Variants in ATM observed in about 807,000 individuals in gnomAD.
ATM encodes the protein serine-protein kinase ATM.
Under a neutral mutation model 387.0 loss-of-function variants are expected in ATM, and 308 were observed. The observed-to-expected ratio is 0.80, with a 90% CI of 0.73 to 0.87. The LOEUF (loss-of-function observed/expected upper bound fraction) is 0.87. Ranked by LOEUF, ATM falls within the 40% of genes least tolerant of loss-of-function variation. The pLI is 0.00. For synonymous variants in ATM, 1,156 were observed against 1,187.3 expected (o/e 0.97, Z 0.54); for missense variants, 3,312 against 3,560.9 (o/e 0.93, Z 1.78).
At chr11:108,312,854 A>C (rs1001747363) in intron 40 of ATM, among the ~76,000 whole-genome samples, 50 of 152,184 alleles carry the variant, frequency 3.3e-4, no homozygotes, top group African/African-American at 1.1e-3. Flanking sequence ...GTTACAGAAG[A>C]AGCAGATTGC....
intron 50 of ATM, 130 bp from the exon 51 acceptor site, chr11:108,331,314 A>C (rs1035068196): frequency 5.5e-6 from 8 of 1,451,798 alleles, no homozygotes; most frequent in Middle Eastern, 2.6e-4. Context: ...GGAAAACAAT[A>C]TAGTTAGTGA....
Position 108,247,229 on chromosome 11 carries a change from A to G in ATM, c.1065+102A>G, listed in dbSNP as rs370758388. Reference sequence around the variant, plus strand: ...AAACCTGTGTTCTCACAAAAAGCCTATAAAATGACTCTGTACATGCAACTA... The same window carrying G: ...AAACCTGTGTTCTCACAAAAAGCCTGTAAAATGACTCTGTACATGCAACTA... On this transcript the variant is annotated intron_variant, in intron 8 of 62. Coordinates refer to ENST00000675843, the MANE Select transcript of ATM (RefSeq NM_000051.4). 5 of 1,110,628 alleles carry G rather than the reference A, an allele frequency of 4.5e-6. No homozygotes were observed. In the East Asian group the frequency reaches 7.3e-5, roughly 16 times the overall value. 68.8% of individuals were successfully genotyped at this position (1,110,628 alleles called of 1,614,324 possible).
chr11:108,289,199 G>A (rs2135755840), intron 28 of ATM, 96 bp downstream of exon 28: 1 of 1,260,244 alleles, frequency 7.9e-7, no homozygotes, highest in East Asian at 2.6e-5. Flanking sequence ...GTAAACAAAT[G>A]AAAAATTTAT....
chr11:108,315,008 AC>A (rs1310575286), intron 40 of ATM, among the ~76,000 whole-genome samples: 1 of 152,212 alleles, frequency 6.6e-6, no homozygotes, highest in Non-Finnish European at 1.5e-5. Flanking sequence ...TAATGGCATG[AC>A]TTTTCTCTGC....
intron 50 of ATM, among the ~76,000 whole-genome samples, chr11:108,330,968 A>T (rs1419553271): frequency 9.2e-5 from 14 of 152,234 alleles, no homozygotes; most frequent in Admixed American, 8.5e-4. Context: ...ATATATTGTT[A>T]GTCAATTTGA....
At chr11:108,297,133 C>G (rs1250000665) in intron 32 of ATM, 154 bp from the exon 33 acceptor site, 10 of 618,402 alleles carry the variant, frequency 1.6e-5, no homozygotes, top group Admixed American at 1.1e-4. Flanking sequence ...AGTTCAGATT[C>G]ATTCCCTACA....
chr11:108,317,710 G>C (rs2084868475), intron 43 of ATM, among the ~76,000 whole-genome samples, 189 bp downstream of exon 43: 1 of 145,118 alleles, frequency 6.9e-6, no homozygotes, highest in South Asian at 2.2e-4. Context: ...TAGTGTGTAT[G>C]TGTGTATATA....
At chr11:108,275,768 C>T (rs1033138901) in intron 22 of ATM, among the ~76,000 whole-genome samples, 8 of 152,128 alleles carry the variant, frequency 5.3e-5, no homozygotes, top group Admixed American at 2.6e-4. Flanking sequence ...GTGGGTAACC[C>T]GACCTTTCTC....
At chr11:108,334,013 T>C (rs1376205874) in intron 54 of ATM, 45 bp downstream of exon 54, 11 of 1,452,466 alleles carry the variant, frequency 7.6e-6, no homozygotes, top group Non-Finnish European at 1.1e-5. Context: ...TAAATTTTTT[T>C]TATTAGATTG....
chr11:108,244,213 A>G (rs1201845117), intron 6 of ATM, 95 bp downstream of exon 6: 1 of 1,394,140 alleles, frequency 7.2e-7, no homozygotes, highest in Non-Finnish European at 1.0e-6. Context: ...TCTACCTTAA[A>G]ATAAAACATT....
intron 16 of ATM, among the ~76,000 whole-genome samples, chr11:108,261,015 C>A (rs561653317): frequency 6.6e-6 from 1 of 151,022 alleles, no homozygotes; most frequent in East Asian, 1.9e-4. Flanking sequence ...TGATTGCTAG[C>A]ACAGCAGTCT....
intron 43 of ATM, among the ~76,000 whole-genome samples, chr11:108,319,466 T>G (rs1443873925): frequency 6.6e-6 from 1 of 152,216 alleles, no homozygotes; most frequent in African/African-American, 2.4e-5. Flanking sequence ...GGACCCTAGT[T>G]AAATAATAAT....
chr11:108,284,469 A>G lies in ATM; in HGVS notation c.3989A>G (p.Lys1330Arg), dbSNP rs1565447970. Residue 1330 changes from lysine (K) to arginine (R), a missense_variant, in exon 26 of 63, where the codon AAA (lysine) becomes AGA (arginine). Physicochemically the swap from Lys to Arg is conservative, Grantham distance 26. Around this residue, in one of 4 missense-constraint regions of ATM, gnomAD observed 1,791 missense variants for 1,804.5 expected, o/e 0.99. Coordinates refer to ENST00000675843, the MANE Select transcript of ATM (RefSeq NM_000051.4). ...DMLKSENLLG[K>R]QIDHLFISNL... ...CTTAAAAGTGAAAACTTATTGGGAA[A>G]ACAGGTATGGCTTCAATTTTTATGT... 3 of 1,613,938 alleles carry G rather than the reference A, an allele frequency of 1.9e-6. No homozygotes were observed. The highest frequency in any genetic ancestry group is 2.5e-6 in the Non-Finnish European group (3 of 1,179,864).
chr11:108,306,379 T>A (rs2083692101), intron 37 of ATM, among the ~76,000 whole-genome samples: 1 of 152,184 alleles, frequency 6.6e-6, no homozygotes, highest in African/African-American at 2.4e-5. Flanking sequence ...GTATCTCTTA[T>A]CTTTAATTGG....
intron 26 of ATM, among the ~76,000 whole-genome samples, 162 bp downstream of exon 26, chr11:108,284,635 G>A (rs1269034364): frequency 2.0e-5 from 3 of 152,058 alleles, no homozygotes; most frequent in Non-Finnish European, 4.4e-5. Context: ...TTTTGGTTAT[G>A]TCGTGTTGTC....
rs527558552 is a variant in ATM, at chr11:108,256,843, G to T, written c.2250+503G>T. Among the ~76,000 whole-genome samples the T allele has an allele frequency of 2.0e-4, 31 of 152,268 alleles. No individual in the cohort carries two copies. In the Middle Eastern group the frequency reaches 0.02, roughly 100 times the overall value. ...TCATCCATGTCCCTGCAAAGGACAT[G>T]AACTCATCCTTTTTTATGGCTGCAT... is the stretch of plus-strand genomic sequence containing the variant. On this transcript the variant is annotated intron_variant, in intron 14 of 62. Coordinates refer to ENST00000675843, the MANE Select transcript of ATM (RefSeq NM_000051.4).
intron 24 of ATM, 23 bp from the exon 25 acceptor site, chr11:108,282,687 C>G (rs780920583): frequency 6.2e-7 from 1 of 1,608,600 alleles, no homozygotes; most frequent in South Asian, 1.1e-5. Flanking sequence ...TTTCTTAACA[C>G]ATTGACTTTT....
chr11:108,262,261 C>G (rs947717742), intron 16 of ATM, among the ~76,000 whole-genome samples: 3 of 152,322 alleles, frequency 2.0e-5, no homozygotes, highest in South Asian at 2.1e-4. Context: ...GAGAGGGAAG[C>G]ACATCAGACT....
intron 56 of ATM, among the ~76,000 whole-genome samples, chr11:108,339,583 G>T (rs1302496875): frequency 2.6e-5 from 4 of 151,986 alleles, no homozygotes; most frequent in Non-Finnish European, 5.9e-5. Context: ...AGAGTCTTTA[G>T]TACCAGAGAA....
Sources: gnomAD v4.1 joint callset for allele counts (sites outside exome capture counted in the v4.1 genomes callset) on GRCh38, gnomAD v4.1.1 for gene constraint, gnomAD v4.1.1 regional missense constraint, MANE v1.5 for transcripts, NCBI Gene and HGNC (gene_info 2026-07-23, HGNC 2026-07-21) for gene names.